The following SPEF2 variants were observed in gnomAD, a reference collection of about 807,000 sequenced individuals.
The protein encoded by SPEF2 is sperm flagellar and cilia associated 2, also known as sperm flagella and cilia-associated protein 2.
A neutral mutation model predicts 224.6 loss-of-function variants in SPEF2; 187 were observed. The ratio of observed to expected loss-of-function variants is 0.83; its 90% CI spans 0.74 to 0.94. The LOEUF is 0.94. Ranked by LOEUF, SPEF2 falls within the 40% of genes least tolerant of loss-of-function variation. The pLI, the probability that SPEF2 is intolerant of heterozygous loss-of-function variation, is 0.00. For missense variants in SPEF2, 2,170 were observed against 2,135.6 expected (o/e 1.02, Z -0.32); for synonymous variants, 715 against 707.3 (o/e 1.01, Z -0.17).
intron 20 of SPEF2, among the ~76,000 whole-genome samples, chr5:35,714,834 C>G (rs779712050): frequency 2.7e-5 from 4 of 148,536 alleles, no homozygotes; most frequent in Admixed American, 2.1e-4. Flanking sequence ...TTTATCCATG[C>G]GACACTATCT....
intron 20 of SPEF2, among the ~76,000 whole-genome samples, chr5:35,724,385 A>T (rs1744276259): frequency 6.6e-6 from 1 of 152,188 alleles, no homozygotes; most frequent in African/African-American, 2.4e-5. Flanking sequence ...AGTTTAAAAA[A>T]TTTTACCAGA....
chr5:35,726,028 G>A (rs12152782), intron 20 of SPEF2, among the ~76,000 whole-genome samples: 86,938 of 152,050 alleles, frequency 0.57, 26,253 homozygotes, highest in Middle Eastern at 0.71. Context: ...TGCATGGATG[G>A]TACTTAAAAA....
intron 6 of SPEF2, among the ~76,000 whole-genome samples, chr5:35,650,736 T>A (rs1474921462): frequency 1.3e-5 from 2 of 152,200 alleles, no homozygotes; most frequent in African/African-American, 4.8e-5. Flanking sequence ...ATTAAATGTC[T>A]TAAAGATCAT....
intron 10 of SPEF2, chr5:35,671,591 G>A (rs568474051): frequency 7.9e-6 from 7 of 882,562 alleles, no homozygotes; most frequent in Admixed American, 6.2e-5. Flanking sequence ...CTGGTTCATC[G>A]AATGTTTATT....
At chr5:35,754,088 A>G (rs1750090502) in intron 24 of SPEF2, among the ~76,000 whole-genome samples, 1 of 152,176 alleles carries the variant, frequency 6.6e-6, no homozygotes, top group Admixed American at 6.5e-5. Context: ...AGACCCCTTA[A>G]GTGGACAAAG....
chr5:35,776,184 A>G, intron 28 of SPEF2, 73 bp from the exon 29 acceptor site: 2 of 1,456,920 alleles, frequency 1.4e-6, no homozygotes, highest in Non-Finnish European at 1.8e-6. Context: ...CAGTGGTTTC[A>G]AAGTGAATCT....
chr5:35,656,444 A>T (rs1215779817), intron 7 of SPEF2, among the ~76,000 whole-genome samples: 1 of 152,158 alleles, frequency 6.6e-6, no homozygotes, highest in African/African-American at 2.4e-5. Context: ...TTATTCAATC[A>T]GTTTGGTTAT....
intron 15 of SPEF2, 54 bp from the exon 16 acceptor site, chr5:35,700,442 T>C: frequency 6.7e-7 from 1 of 1,499,028 alleles, no homozygotes; most frequent in East Asian, 2.3e-5. Flanking sequence ...TCATAGTATT[T>C]CCAAAGTACT....
At chr5:35,744,923 G>A (rs1748237284) in intron 23 of SPEF2, among the ~76,000 whole-genome samples, 1 of 152,166 alleles carries the variant, frequency 6.6e-6, no homozygotes, top group Non-Finnish European at 1.5e-5. Flanking sequence ...ACCCTCTGAA[G>A]GAGGCTGACT....
At chr5:35,801,080 A>G (rs753941804) in intron 34 of SPEF2, among the ~76,000 whole-genome samples, 4 of 152,204 alleles carry the variant, frequency 2.6e-5, no homozygotes, top group African/African-American at 7.2e-5. Context: ...GGCCAGATAC[A>G]TATCTAATGA....
chr5:35,778,184 T>A (rs550674144), intron 29 of SPEF2, among the ~76,000 whole-genome samples: 1 of 152,342 alleles, frequency 6.6e-6, no homozygotes, highest in East Asian at 1.9e-4. Context: ...CATTTTTCTG[T>A]GTTGCTCACT....
chr5:35,770,006 T>C (rs2149778547), intron 26 of SPEF2, among the ~76,000 whole-genome samples: 1 of 138,052 alleles, frequency 7.2e-6, no homozygotes, highest in East Asian at 2.0e-4. Flanking sequence ...TGTGTGTGTG[T>C]GTGTGTGTGT....
intron 10 of SPEF2, among the ~76,000 whole-genome samples, chr5:35,681,756 A>AT (rs1300384664): frequency 3.3e-5 from 5 of 152,120 alleles, no homozygotes; most frequent in South Asian, 2.1e-4. Context: ...TGTAGAATGC[A>AT]TTTTTTTGTT....
chr5:35,763,784 T>C (rs1751687840), intron 26 of SPEF2, 82 bp downstream of exon 26: 1 of 1,326,512 alleles, frequency 7.5e-7, no homozygotes, highest in African/African-American at 1.5e-5. Context: ...AAGTGGAAAA[T>C]TGACACAATG....
At chr5:35,772,322 A>G (rs2149784759) in intron 27 of SPEF2, among the ~76,000 whole-genome samples, 1 of 152,226 alleles carries the variant, frequency 6.6e-6, no homozygotes, top group South Asian at 2.1e-4. Context: ...AACTCACTCC[A>G]CTCATAGATT....
At position 35,691,053 on chromosome 5, in the gene SPEF2, G is replaced by T; in HGVS notation, c.1541G>T (p.Trp514Leu). ...TTTTTACAGAACATGGTTGGAGAGT[G>T]GGCCTTACCAGAAGAAATGGTTGAC... ...YEEYKNMVGE[W>L]ALPEEMVDNL... Residue 514 changes from tryptophan (W) to leucine (L), a missense_variant, in exon 11 of 37, where the codon TGG becomes TTG. Physicochemically the swap from Trp to Leu is moderately conservative, Grantham distance 61 (BLOSUM62 -2). Coordinates refer to ENST00000356031, the MANE Select transcript of SPEF2 (RefSeq NM_024867.4). 6.2e-7 allele frequency: 1 copy of T among 1,613,576 alleles called. No homozygotes were observed. The highest frequency in any genetic ancestry group is 2.2e-5 in the East Asian group (1 of 44,860).
Position 35,661,254 on chromosome 5 carries a change from T to TTATA in SPEF2, c.1167+2089_1167+2092dup, listed in dbSNP as rs550178866. On this transcript the variant is annotated intron_variant, in intron 8 of 36. Transcript: ENST00000356031. Reference sequence around the variant, plus strand: ...AAGGAGGTTTTTTTTTTGGTATATATTATATATATATATATATATATATAT... The same window carrying TTATA: ...AAGGAGGTTTTTTTTTTGGTATATATTATATATATATATATATATATATATATAT... Among the ~76,000 whole-genome samples the TTATA allele has an allele frequency of 7.7e-3, 716 of 93,478 alleles. 2 individuals carry two copies. Among genetic ancestry groups the TTATA allele is most frequent in the Non-Finnish European group, 0.01 (467 of 45,416 alleles). 61.3% of individuals were successfully genotyped at this position (93,478 alleles called of 152,430 possible). A position where few individuals can be genotyped will look rare whatever the true frequency, so the allele number is the denominator to read the frequency against.
At chr5:35,750,770 T>C (rs1299215399) in intron 23 of SPEF2, among the ~76,000 whole-genome samples, 1 of 151,652 alleles carries the variant, frequency 6.6e-6, no homozygotes, top group African/African-American at 2.4e-5. Flanking sequence ...GTACAGACAC[T>C]ATGGAAAACA....
intron 34 of SPEF2, among the ~76,000 whole-genome samples, chr5:35,806,124 C>A (rs935511252): frequency 2.4e-4 from 36 of 152,224 alleles, no homozygotes; most frequent in African/African-American, 8.4e-4. Flanking sequence ...CATAAGAAAT[C>A]AAAACAATTT....
Sources: allele counts gnomAD v4.1 joint callset (sites outside exome capture counted in the v4.1 genomes callset), GRCh38; gene constraint gnomAD v4.1.1; transcripts MANE v1.5; gene names NCBI Gene and HGNC (gene_info 2026-07-23, HGNC 2026-07-21).